Variants in SCLY observed in about 807,000 individuals in gnomAD.
SCLY encodes selenocysteine lyase.
A neutral mutation model predicts 50.1 loss-of-function variants in SCLY; 38 were observed. That is an observed-to-expected ratio of 0.76 (90% CI 0.59 to 0.99). The LOEUF (loss-of-function observed/expected upper bound fraction) is 0.99. Among genes scored for constraint, SCLY ranks in the 50% least tolerant of loss-of-function variants. The pLI is 0.00. For synonymous variants in SCLY, 243 were observed against 249.4 expected, an observed-to-expected ratio of 0.97 and a Z score of 0.24; for missense variants, 600 against 620.0, an observed-to-expected ratio of 0.97 and a Z score of 0.34.
chr2:238,069,103 C>T lies in SCLY; in HGVS notation c.304-194C>T, dbSNP rs1250898419. ...TAATATTGCTTAACTATAAAACAGA[C>T]ATAATTGACTGGAATCTCATGTTTT... On this transcript the variant is annotated intron_variant, in intron 3 of 11. Transcript: ENST00000254663. This position sits in a 1 kb window ranked among gnomAD's most constrained non-coding sequence, Gnocchi z 5.0. 2.0e-5 allele frequency among the ~76,000 whole-genome samples: 3 copies of T among 152,164 alleles called. No individual in the cohort carries two copies. Among genetic ancestry groups the T allele is most frequent in the Non-Finnish European group, 4.4e-5 (3 of 68,036 alleles).
intron 4 of SCLY, 173 bp from the exon 5 acceptor site, chr2:238,081,536 A>G (rs1385782563): frequency 3.8e-6 from 3 of 792,460 alleles, no homozygotes; most frequent in Non-Finnish European, 5.8e-6. Context: ...GAAGCACCTG[A>G]CAGTGACTCT....
intron 4 of SCLY, among the ~76,000 whole-genome samples, chr2:238,070,909 G>A (rs540457893): frequency 2.8e-4 from 43 of 150,948 alleles, no homozygotes; most frequent in African/African-American, 1.0e-3. Flanking sequence ...TCAGTTCACT[G>A]CAGCCCCTGC....
chr2:238,082,384 G>T (rs2065247433), intron 6 of SCLY, among the ~76,000 whole-genome samples, 175 bp downstream of exon 6: 1 of 152,228 alleles, frequency 6.6e-6, no homozygotes, highest in Non-Finnish European at 1.5e-5. Flanking sequence ...CACATGGCCA[G>T]CATGCCAGGA....
Position 238,096,811 on chromosome 2 carries a change from G to A in SCLY, c.1119G>A (p.Val373=). ...IRGPRLQGHV[V]LAQCRVLMAS... ...GCTCTGTCTCCGCAGGCCACGTGGT[G>A]CTTGCGCAGTGCCGAGTGCTGATGG... Residue 373 remains valine (V), a synonymous_variant, in exon 11 of 12, where the codon GTG becomes GTA. Coordinates refer to ENST00000254663, the MANE Select transcript of SCLY (RefSeq NM_016510.7). 1 of 1,610,848 alleles carries A rather than the reference G, an allele frequency of 6.2e-7. No individual in the cohort carries two copies. Among genetic ancestry groups the A allele is most frequent in the Non-Finnish European group, 8.5e-7 (1 of 1,179,054 alleles).
At chr2:238,097,113 G>A (rs1363209905) in intron 11 of SCLY, among the ~76,000 whole-genome samples, 1 of 151,498 alleles carries the variant, frequency 6.6e-6, no homozygotes, top group Non-Finnish European at 1.5e-5. Flanking sequence ...TTCTGAAGGC[G>A]GAGGGAGGGC....
At chr2:238,094,722 C>T in intron 10 of SCLY, 200 bp downstream of exon 10, 1 of 557,342 alleles carries the variant, frequency 1.8e-6, no homozygotes. Context: ...CTGGCCCCTC[C>T]TCTCCCTGAC....
intron 1 of SCLY, among the ~76,000 whole-genome samples, chr2:238,062,584 G>T (rs2065028395): frequency 1.3e-5 from 2 of 152,172 alleles, no homozygotes; most frequent in African/African-American, 4.8e-5. Context: ...TAATTTTATT[G>T]TATTTTTAGT....
chr2:238,098,141 G>A lies in SCLY; in HGVS notation c.1185-61G>A, dbSNP rs760633651. ...ACTAGGGGAGTGGTCCAGAGCAGGGGGGGCTGTGTCTCTTCCATGTGCCCT... is the reference window on the plus strand; with the variant it reads ...ACTAGGGGAGTGGTCCAGAGCAGGGAGGGCTGTGTCTCTTCCATGTGCCCT... On this transcript the variant is annotated intron_variant, in intron 11 of 11. Coordinates refer to ENST00000254663, the MANE Select transcript of SCLY (RefSeq NM_016510.7). The A allele has an allele frequency of 2.5e-6, 4 of 1,574,658 alleles. No homozygotes were observed. The South Asian group carries it at 3.4e-5, about 14-fold the overall frequency.
intron 4 of SCLY, among the ~76,000 whole-genome samples, chr2:238,073,288 GT>G (rs2065143626): frequency 6.6e-6 from 1 of 152,218 alleles, no homozygotes; most frequent in Admixed American, 6.5e-5. Context: ...AAACAGGAAA[GT>G]AGGAGTTCTC....
chr2:238,077,524 G>T (rs2065185625), intron 4 of SCLY, among the ~76,000 whole-genome samples: 1 of 152,208 alleles, frequency 6.6e-6, no homozygotes, highest in African/African-American at 2.4e-5. Flanking sequence ...TTCCAACCCT[G>T]GCTTGGGAAT....
intron 7 of SCLY, among the ~76,000 whole-genome samples, chr2:238,086,664 C>T (rs1298464792): frequency 1.4e-5 from 2 of 142,636 alleles, no homozygotes; most frequent in African/African-American, 5.3e-5. Context: ...TATGATCACA[C>T]CATTGCACTC....
At chr2:238,082,876 G>T in intron 6 of SCLY, 1 of 319,108 alleles carries the variant, frequency 3.1e-6, no homozygotes, top group East Asian at 8.0e-5. Flanking sequence ...AAAAGCCCTG[G>T]CCAACCGCTG....
At position 238,070,934 on chromosome 2, in the gene SCLY, C is replaced by G. The variant is rs1380446588; in HGVS notation, c.484+1457C>G. On this transcript the variant is annotated intron_variant, in intron 4 of 11. Coordinates refer to ENST00000254663, the MANE Select transcript of SCLY (RefSeq NM_016510.7). ...GCAGCCCCTGCCTCCCAGGTTCAAG[C>G]AATTCTCCTGCTTCAGCCTCCTGAG... Among the ~76,000 whole-genome samples, 3 of 151,774 alleles carry G rather than the reference C, an allele frequency of 2.0e-5. No individual in the cohort carries two copies. In the East Asian group the frequency reaches 5.8e-4, roughly 29 times the overall value.
chr2:238,068,153 C>T lies in SCLY; in HGVS notation c.291C>T (p.Ser97=), dbSNP rs755962561. 6.7e-5 allele frequency: 108 copies of T among 1,607,270 alleles called. No individual in the cohort carries two copies. The highest frequency in any genetic ancestry group is 8.1e-5 in the Non-Finnish European group (95 of 1,176,094). ...GGKPQDIIFT[S]GGTESNNLVI... ...AACCTCAAGATATAATCTTCACTTC[C>T]GGGGGCACTGAGGTAAAGCTTCTGA... Residue 97 remains serine, a synonymous_variant, in exon 3 of 12, where the codon TCC becomes TCT. Transcript: ENST00000254663.
At chr2:238,093,816 A>G in intron 8 of SCLY, 45 bp from the exon 9 acceptor site, 1 of 1,577,004 alleles carries the variant, frequency 6.3e-7, no homozygotes, top group Non-Finnish European at 8.7e-7. Flanking sequence ...GCCCTCCTTT[A>G]TTTTGCAAGA....
At chr2:238,071,582 G>C (rs1405697884) in intron 4 of SCLY, among the ~76,000 whole-genome samples, 1 of 152,220 alleles carries the variant, frequency 6.6e-6, no homozygotes, top group Non-Finnish European at 1.5e-5. Flanking sequence ...CTGCACTGCA[G>C]CCTGGGCGAC....
intron 4 of SCLY, chr2:238,079,139 A>G (rs1370316650): frequency 3.6e-5 from 5 of 139,226 alleles, no homozygotes. Context: ...TGGTGTCACA[A>G]TCACAACTCA....
In SCLY at chr2:238,061,125, A is replaced by T; in HGVS notation, c.71A>T (p.Lys24Ile). Residue 24 changes from lysine to isoleucine, a missense_variant, in exon 1 of 12, where the codon AAA (lysine) becomes ATA (isoleucine). Lys to Ile is a moderately radical substitution (Grantham distance 102, BLOSUM62 -3). Transcript: ENST00000254663. ...PAASQPSGCG[K>I]HNSPERKVYM... ...GCGAGTCAGCCCAGCGGCTGCGGGA[A>T]ACACAACTCGCCGGAGAGGTGCGCG... 6.8e-7 allele frequency: 1 copy of T among 1,462,606 alleles called. No individual in the cohort carries two copies. The allele number at this position is 1,462,606 out of a possible 1,614,324, so 90.6% of individuals were successfully genotyped here. A position where few individuals can be genotyped will look rare whatever the true frequency, so the allele number is the denominator to read the frequency against.
chr2:238,091,548 A>ACT, intron 8 of SCLY: 2 of 327,514 alleles, frequency 6.1e-6, no homozygotes, highest in East Asian at 5.8e-5. Flanking sequence ...CTGCAGGTTC[A>ACT]CCATTCCCAA....
Sources: gnomAD v4.1 joint callset for allele counts (sites outside exome capture counted in the v4.1 genomes callset) on GRCh38, gnomAD v4.1.1 for gene constraint, Gnocchi (gnomAD v3.1) non-coding constraint, MANE v1.5 for transcripts, NCBI Gene and HGNC (gene_info 2026-07-23, HGNC 2026-07-21) for gene names.